The following LRIF1 variants were observed in gnomAD, a reference collection of about 807,000 sequenced individuals.
LRIF1 encodes ligand-dependent nuclear receptor-interacting factor 1.
Under a neutral mutation model 52.7 loss-of-function variants are expected in LRIF1, and 32 were observed. The ratio of observed to expected loss-of-function variants is 0.61; its 90% CI spans 0.46 to 0.82. LRIF1 has a LOEUF of 0.82. Among genes scored for constraint, LRIF1 ranks in the 40% least tolerant of loss-of-function variants. The pLI is 0.00. For missense variants in LRIF1, 887 were observed against 892.0 expected (o/e 0.99, Z 0.07); for synonymous variants, 323 against 317.4 (o/e 1.02, Z -0.19).
At chr1:110,942,325 G>A (rs1243891464), downstream of LRIF1, 2 of 152,004 alleles carry the variant, frequency 1.3e-5, no homozygotes, top group African/African-American at 4.8e-5. Flanking sequence ...ATTTGCATAC[G>A]CCTAGTTTCA....
chr1:110,953,363 A>C (rs1014414240), intron 1 of LRIF1, among the ~76,000 whole-genome samples: 1 of 152,162 alleles, frequency 6.6e-6, no homozygotes, highest in Non-Finnish European at 1.5e-5. Context: ...GATTTCACTG[A>C]ACTGTTTACA....
the LRIF1 span, among the ~76,000 whole-genome samples, chr1:110,927,771 G>A: frequency 1.3e-5 from 2 of 152,066 alleles, no homozygotes; most frequent in African/African-American, 4.8e-5. Context: ...AGTGAATTCT[G>A]GGAAATGTAG....
At chr1:110,932,545 T>G in the LRIF1 span, among the ~76,000 whole-genome samples, 1 of 152,178 alleles carries the variant, frequency 6.6e-6, no homozygotes, top group Non-Finnish European at 1.5e-5. Flanking sequence ...TTAATGGGGA[T>G]AGCATTGAAT....
the LRIF1 span, among the ~76,000 whole-genome samples, chr1:110,879,177 G>C: frequency 1.3e-5 from 2 of 152,248 alleles, no homozygotes; most frequent in Admixed American, 6.5e-5. Context: ...TGGTAGGTAA[G>C]GTCTGAACTT....
chr1:110,937,394 T>C, the LRIF1 span: 3 of 152,008 alleles, frequency 2.0e-5, no homozygotes, highest in Admixed American at 1.3e-4. Flanking sequence ...CTGATCACAA[T>C]GGAATAAAAC....
the LRIF1 span, among the ~76,000 whole-genome samples, chr1:110,875,197 C>T: frequency 2.0e-5 from 3 of 152,142 alleles, no homozygotes; most frequent in Non-Finnish European, 4.4e-5. Flanking sequence ...TACCTCCAGG[C>T]ATGTTAGAAA....
downstream of LRIF1, chr1:110,944,615 T>C (rs543714082): frequency 6.6e-6 from 1 of 152,308 alleles, no homozygotes. Flanking sequence ...GACTAGTCAA[T>C]GAGGCAGAAG....
At chr1:110,915,821 T>G in the LRIF1 span, among the ~76,000 whole-genome samples, 1 of 152,146 alleles carries the variant, frequency 6.6e-6, no homozygotes, top group Non-Finnish European at 1.5e-5. Flanking sequence ...GGTAAAAAAT[T>G]TAAAAAATAA....
At chr1:110,898,691 C>G in the LRIF1 span, among the ~76,000 whole-genome samples, 1 of 29,572 alleles carries the variant, frequency 3.4e-5, no homozygotes, top group East Asian at 9.6e-4. Context: ...TGTGATATTT[C>G]TAACATTTTT....
At chr1:110,949,420 GTTCT>G (rs756359254) in intron 3 of LRIF1, among the ~76,000 whole-genome samples, 12 of 144,286 alleles carry the variant, frequency 8.3e-5, no homozygotes, top group African/African-American at 1.3e-4. Context: ...ACCTGGCCTG[GTTCT>G]TTTTTTTTTT....
At chr1:110,878,469 G>A in the LRIF1 span, among the ~76,000 whole-genome samples, 2 of 152,178 alleles carry the variant, frequency 1.3e-5, no homozygotes, top group Admixed American at 1.3e-4. Flanking sequence ...AAAGACGTTT[G>A]CCAAAATGCT....
chr1:110,956,048 G>A (rs952590488), intron 1 of LRIF1, among the ~76,000 whole-genome samples: 2 of 152,120 alleles, frequency 1.3e-5, no homozygotes, highest in African/African-American at 2.4e-5. Flanking sequence ...AGGAGGCTGA[G>A]GTAATTCTCA....
chr1:110,963,566 A>G (rs1253451783), intron 1 of LRIF1, 55 bp downstream of exon 1: 2 of 1,477,792 alleles, frequency 1.4e-6, no homozygotes, highest in East Asian at 2.3e-5. Context: ...CCGACTCCAC[A>G]TCCCTAAGAC....
intron 3 of LRIF1, 106 bp downstream of exon 3, chr1:110,949,745 A>G (rs1486639967): frequency 4.1e-6 from 5 of 1,223,158 alleles, no homozygotes; most frequent in African/African-American, 1.5e-5. Flanking sequence ...ACCAGTAACA[A>G]CCATCATTTA....
chr1:110,959,971 AACATT>A (rs1459483633), intron 1 of LRIF1, among the ~76,000 whole-genome samples: 3 of 152,108 alleles, frequency 2.0e-5, no homozygotes, highest in Admixed American at 2.0e-4. Flanking sequence ...TCTATGACAT[AACATT>A]ATATACATAT....
the LRIF1 span, among the ~76,000 whole-genome samples, chr1:110,908,010 C>T: frequency 1.3e-5 from 2 of 152,058 alleles, no homozygotes; most frequent in African/African-American, 4.8e-5. Context: ...TTTCAAAATG[C>T]TAATATGTTT....
At chr1:110,961,676 GTCA>G (rs1400934328) in intron 1 of LRIF1, among the ~76,000 whole-genome samples, 4 of 151,874 alleles carry the variant, frequency 2.6e-5, no homozygotes, top group African/African-American at 9.7e-5. Flanking sequence ...GAAAATCATA[GTCA>G]TTTAAGTTAT....
In LRIF1 at chr1:110,951,912, C is replaced by T. The variant is rs767072081; in HGVS notation, c.972G>A (p.Arg324=). The T allele has an allele frequency of 6.2e-7, 1 of 1,613,980 alleles. No homozygotes were observed. Among genetic ancestry groups the T allele is most frequent in the Non-Finnish European group, 8.5e-7 (1 of 1,179,952 alleles). Residue 324 remains arginine, a synonymous_variant, in exon 2 of 4, where the codon AGG becomes AGA. Transcript: ENST00000369763. The part of the protein sequence containing the change: ...ASKILKTFVD[R]KNLGDNTINM... ...TTATAGTATTATCTCCCAAATTTTT[C>T]CTATCTACAAAAGTTTTTAAAATCT...
chr1:110,945,076 G>C (rs971715986), downstream of LRIF1: 1 of 152,104 alleles, frequency 6.6e-6, no homozygotes, highest in East Asian at 1.9e-4. Flanking sequence ...TTTTGGCAAA[G>C]ATGGGGTCTA....
Sources: gnomAD v4.1 joint callset for allele counts (sites outside exome capture counted in the v4.1 genomes callset) on GRCh38, gnomAD v4.1.1 for gene constraint, MANE v1.5 for transcripts, NCBI Gene and HGNC (gene_info 2026-07-23, HGNC 2026-07-21) for gene names.